Variants in MACROD2 observed in about 807,000 individuals in gnomAD.
MACROD2 encodes ADP-ribose glycohydrolase MACROD2.
A neutral mutation model predicts 70.4 loss-of-function variants in MACROD2; 36 were observed. That is an observed-to-expected ratio of 0.51 (90% CI 0.39 to 0.68). MACROD2 has a LOEUF of 0.68. Ranked by LOEUF, MACROD2 falls within the 30% of genes least tolerant of loss-of-function variation. The pLI is 0.00. For synonymous variants in MACROD2, 172 were observed against 178.8 expected, an observed-to-expected ratio of 0.96 and a Z score of 0.30; for missense variants, 496 against 538.4, an observed-to-expected ratio of 0.92 and a Z score of 0.78.
At chr20:14,333,489 A>C (rs1221074849) in intron 3 of MACROD2, among the ~76,000 whole-genome samples, 2 of 152,156 alleles carry the variant, frequency 1.3e-5, no homozygotes, top group East Asian at 3.9e-4. Flanking sequence ...TAAGATATTA[A>C]TTTAGAGAGT....
rs183729687 is a variant in MACROD2 at position 15,561,597 on chromosome 20, G to A, written c.645+61750G>A. ...AGTAGGGTATTTTCCTTTATCCTTCGTGAAAATCAATTTTTTTTTAAATGA... is the reference window on the plus strand; with the variant it reads ...AGTAGGGTATTTTCCTTTATCCTTCATGAAAATCAATTTTTTTTTAAATGA... On this transcript the variant is annotated intron_variant, in intron 8 of 17. Coordinates refer to ENST00000684519, the MANE Select transcript of MACROD2 (RefSeq NM_001351661.2). Among the ~76,000 whole-genome samples, 246 of 152,106 alleles carry A rather than the reference G, an allele frequency of 1.6e-3. 1 individual carries two copies. Among genetic ancestry groups the A allele is most frequent in the African/African-American group, 5.2e-3 (214 of 41,470 alleles).
At chr20:15,772,976 A>G (rs1475478872) in intron 8 of MACROD2, among the ~76,000 whole-genome samples, 1 of 152,144 alleles carries the variant, frequency 6.6e-6, no homozygotes, top group African/African-American at 2.4e-5. Context: ...GGTAATTACA[A>G]TTTGAGATAA....
At chr20:14,828,458 A>G (rs1444802842) in intron 5 of MACROD2, among the ~76,000 whole-genome samples, 2 of 152,138 alleles carry the variant, frequency 1.3e-5, no homozygotes, top group Admixed American at 1.3e-4. Flanking sequence ...TTCTTTTCTT[A>G]ATTCAGTCAT....
intron 8 of MACROD2, among the ~76,000 whole-genome samples, chr20:15,588,891 C>G (rs1461017203): frequency 6.6e-6 from 1 of 152,200 alleles, no homozygotes; most frequent in Non-Finnish European, 1.5e-5. Flanking sequence ...CCAAACTCTC[C>G]CAGCCTCTGC....
intron 9 of MACROD2, among the ~76,000 whole-genome samples, chr20:15,882,255 G>A (rs1035920357): frequency 6.6e-6 from 1 of 152,124 alleles, no homozygotes; most frequent in Non-Finnish European, 1.5e-5. Context: ...ATTGGGCACA[G>A]AAGCTTATCT....
chr20:15,189,132 T>G (rs1052532595), intron 5 of MACROD2, among the ~76,000 whole-genome samples: 1 of 152,138 alleles, frequency 6.6e-6, no homozygotes, highest in African/African-American at 2.4e-5. Context: ...AATCCATGAT[T>G]TATCATGCCA....
At chr20:15,327,031 A>G (rs1332901679) in intron 6 of MACROD2, among the ~76,000 whole-genome samples, 1 of 152,210 alleles carries the variant, frequency 6.6e-6, no homozygotes, top group Non-Finnish European at 1.5e-5. Flanking sequence ...ATGTGTATGA[A>G]TTTATTTAAT....
chr20:14,213,361 C>CAAAAAAAAA lies in MACROD2; in HGVS notation c.271+127650_271+127658dup, dbSNP rs60009822. Among the ~76,000 whole-genome samples, 58 of 30,260 alleles carry CAAAAAAAAA rather than the reference C, an allele frequency of 1.9e-3. 25 individuals are homozygous for CAAAAAAAAA. The highest frequency in any genetic ancestry group is 4.2e-3 in the South Asian group (2 of 474). The allele number at this position is 30,260 out of a possible 152,430, so 19.9% of individuals were successfully genotyped here. On this transcript the variant is annotated intron_variant, in intron 3 of 17. Transcript: ENST00000684519. Reference sequence around the variant, plus strand: ...ATAGTTGATTTTGAGCTTCTAGTGGCAAAAAAAAAAAAAAAAAAAAAAAAA... The same window carrying CAAAAAAAAA: ...ATAGTTGATTTTGAGCTTCTAGTGGCAAAAAAAAAAAAAAAAAAAAAAAAAAAAAAAAAA...
chr20:14,494,408 G>T (rs559101387), intron 4 of MACROD2, among the ~76,000 whole-genome samples: 1 of 152,014 alleles, frequency 6.6e-6, no homozygotes, highest in Non-Finnish European at 1.5e-5. Context: ...TTGTTTCTCT[G>T]TAAGAACAGT....
intron 8 of MACROD2, among the ~76,000 whole-genome samples, chr20:15,769,552 G>A (rs1322753313): frequency 1.3e-5 from 2 of 152,158 alleles, no homozygotes; most frequent in Non-Finnish European, 1.5e-5. Context: ...CACCACAAAC[G>A]CATGAATAAT....
At chr20:15,784,475 T>C (rs1402939311) in intron 8 of MACROD2, among the ~76,000 whole-genome samples, 3 of 152,172 alleles carry the variant, frequency 2.0e-5, no homozygotes, top group Non-Finnish European at 4.4e-5. Context: ...AATAGCTACA[T>C]GTAAAATAAT....
At chr20:14,132,860 C>T (rs368125396) in intron 3 of MACROD2, among the ~76,000 whole-genome samples, 14 of 151,878 alleles carry the variant, frequency 9.2e-5, no homozygotes, top group Admixed American at 4.6e-4. Flanking sequence ...AGGCTGGTCT[C>T]GAACTCCTGG....
At chr20:14,870,606 T>A (rs910993748) in intron 5 of MACROD2, among the ~76,000 whole-genome samples, 1 of 151,822 alleles carries the variant, frequency 6.6e-6, no homozygotes, top group African/African-American at 2.4e-5. Context: ...CCAGGACCTA[T>A]TATTTTTTTT....
chr20:14,366,870 G>A (rs1395522669), intron 3 of MACROD2, among the ~76,000 whole-genome samples: 8 of 152,000 alleles, frequency 5.3e-5, no homozygotes, highest in Non-Finnish European at 1.2e-4. Context: ...CTAGCTTTTT[G>A]TTGGAGAGTC....
chr20:14,811,138 T>G (rs1238000560), intron 5 of MACROD2, among the ~76,000 whole-genome samples: 1 of 152,090 alleles, frequency 6.6e-6, no homozygotes, highest in Admixed American at 6.6e-5. Context: ...AAGTCAATCC[T>G]AAGCAAAAAG....
At chr20:15,008,908 T>C (rs1343478996) in intron 5 of MACROD2, among the ~76,000 whole-genome samples, 2 of 152,198 alleles carry the variant, frequency 1.3e-5, no homozygotes, top group Non-Finnish European at 2.9e-5. Context: ...TCTTTCCTTT[T>C]CTGTGGGTTT....
At chr20:14,096,203 G>A (rs2054222578) in intron 3 of MACROD2, among the ~76,000 whole-genome samples, 1 of 152,118 alleles carries the variant, frequency 6.6e-6, no homozygotes, top group Non-Finnish European at 1.5e-5. Flanking sequence ...AGACCTGGAA[G>A]CAAATAGATA....
At chr20:15,288,932 G>A (rs2077517392) in intron 6 of MACROD2, among the ~76,000 whole-genome samples, 2 of 151,316 alleles carry the variant, frequency 1.3e-5, no homozygotes, top group African/African-American at 4.9e-5. Context: ...TATTGGTTCT[G>A]TTTTTCTGGA....
chr20:14,306,101 C>A (rs2122503230), intron 3 of MACROD2, among the ~76,000 whole-genome samples: 1 of 152,224 alleles, frequency 6.6e-6, no homozygotes, highest in East Asian at 1.9e-4. Context: ...GATGCTTCAG[C>A]AAAAGTGCTC....
Sources: allele counts gnomAD v4.1 joint callset (sites outside exome capture counted in the v4.1 genomes callset), GRCh38; gene constraint gnomAD v4.1.1; transcripts MANE v1.5; gene names NCBI Gene and HGNC (gene_info 2026-07-23, HGNC 2026-07-21).